Variants in ACTR3B observed in about 807,000 individuals in gnomAD.
ACTR3B encodes actin related protein 3B, also known as actin-related protein 3B.
Under a neutral mutation model 59.0 loss-of-function variants are expected in ACTR3B, and 8 were observed. The ratio of observed to expected loss-of-function variants is 0.14; its 90% CI spans 0.08 to 0.24. ACTR3B has a LOEUF of 0.24. ACTR3B is among the 10% of genes least tolerant of loss of function. ACTR3B has a pLI of 1.00. For missense variants in ACTR3B, 245 were observed against 552.3 expected (o/e 0.44, Z 5.58); for synonymous variants, 148 against 197.9 (o/e 0.75, Z 2.12).
At chr7:152,835,151 C>T (rs1471898638) in intron 9 of ACTR3B, among the ~76,000 whole-genome samples, 2 of 152,182 alleles carry the variant, frequency 1.3e-5, no homozygotes, top group African/African-American at 4.8e-5. Flanking sequence ...AGAGTATAGG[C>T]GTCAGGGCCA....
At chr7:152,780,833 T>A (rs2966515) in intron 1 of ACTR3B, among the ~76,000 whole-genome samples, 10 of 149,244 alleles carry the variant, frequency 6.7e-5, no homozygotes, top group African/African-American at 9.9e-5. Context: ...TTGTTTTTTT[T>A]AACTTTTCAG....
chr7:152,835,913 C>T, intron 9 of ACTR3B, among the ~76,000 whole-genome samples: 1 of 151,312 alleles, frequency 6.6e-6, no homozygotes, highest in East Asian at 1.9e-4. Flanking sequence ...ACTCCTGGCC[C>T]ATGCGAGGTG....
At chr7:152,771,298 C>T (rs2098123343) in intron 1 of ACTR3B, among the ~76,000 whole-genome samples, 1 of 152,008 alleles carries the variant, frequency 6.6e-6, no homozygotes. Flanking sequence ...TAAATTTAGA[C>T]AACATGAGCT....
At chr7:152,836,469 C>G (rs2116934556) in intron 9 of ACTR3B, among the ~76,000 whole-genome samples, 1 of 152,052 alleles carries the variant, frequency 6.6e-6, no homozygotes, top group East Asian at 2.0e-4. Context: ...CACCTGTGGT[C>G]CCAGCTACTT....
intron 9 of ACTR3B, among the ~76,000 whole-genome samples, chr7:152,844,633 T>G (rs1798126884): frequency 6.6e-6 from 1 of 151,850 alleles, no homozygotes; most frequent in South Asian, 2.1e-4. Context: ...TCTTATTGTC[T>G]GAAATCCAGC....
chr7:152,798,432 T>A (rs1374826901), intron 2 of ACTR3B, among the ~76,000 whole-genome samples: 2 of 152,326 alleles, frequency 1.3e-5, no homozygotes, highest in South Asian at 2.1e-4. Context: ...TGATTATTAA[T>A]CTTTTGTCAG....
intron 1 of ACTR3B, among the ~76,000 whole-genome samples, chr7:152,782,675 G>T (rs1307115766): frequency 1.3e-5 from 2 of 149,412 alleles, no homozygotes; most frequent in African/African-American, 2.5e-5. Context: ...CCCCCACCCC[G>T]CAAAGTTCAG....
At chr7:152,800,793 T>G (rs554609814) in intron 3 of ACTR3B, 138 bp downstream of exon 3, 1 of 1,141,278 alleles carries the variant, frequency 8.8e-7, no homozygotes, top group Non-Finnish European at 1.2e-6. Context: ...GAGGTGGTGG[T>G]GATGGTTGGT....
intron 1 of ACTR3B, among the ~76,000 whole-genome samples, chr7:152,762,027 CT>C (rs1171820286): frequency 6.6e-6 from 1 of 152,012 alleles, no homozygotes; most frequent in African/African-American, 2.4e-5. Context: ...TGAAAAAAGC[CT>C]TTTTTTGTAG....
Position 152,852,140 on chromosome 7 carries a change from A to T in ACTR3B, c.966A>T (p.Ser322=). 1.2e-6 allele frequency: 2 copies of T among 1,614,092 alleles called. No individual in the cohort carries two copies. Among genetic ancestry groups the T allele is most frequent in the Non-Finnish European group, 1.7e-6 (2 of 1,180,000 alleles). ...RRPLYKNVVL[S]GGSTMFRDFG... ...GTGTCTTGTAGAATGTCGTACTCTC[A>T]GGAGGCTCCACCATGTTCAGGGATT... The change falls in exon 10 of 12, where the codon TCA becomes TCT. Residue 322 remains serine (S), a synonymous_variant. Transcript: ENST00000256001.
At chr7:152,781,216 T>C (rs1277822818) in intron 1 of ACTR3B, among the ~76,000 whole-genome samples, 74 of 147,326 alleles carry the variant, frequency 5.0e-4, no homozygotes, top group African/African-American at 1.7e-3. Flanking sequence ...TTTTTTTTTT[T>C]CTGAAACCCA....
intron 9 of ACTR3B, among the ~76,000 whole-genome samples, chr7:152,839,519 T>C (rs1797719898): frequency 6.8e-6 from 1 of 147,526 alleles, no homozygotes; most frequent in Non-Finnish European, 1.5e-5. Context: ...GGAGTTGGTG[T>C]GTGGAATTGC....
At chr7:152,763,051 C>T (rs1024766880) in intron 1 of ACTR3B, among the ~76,000 whole-genome samples, 2 of 152,076 alleles carry the variant, frequency 1.3e-5, no homozygotes, top group African/African-American at 4.8e-5. Flanking sequence ...CGCGGTGGCT[C>T]ATGCCTGTAA....
chr7:152,832,793 C>T (rs12535713), intron 9 of ACTR3B, among the ~76,000 whole-genome samples: 80,447 of 152,060 alleles, frequency 0.53, 23,251 homozygotes, highest in East Asian at 0.72. Flanking sequence ...AAATGCATTC[C>T]TTCTTGAGGA....
Position 152,823,372 on chromosome 7 carries a change from G to A in ACTR3B, c.715G>A (p.Val239Ile), listed in dbSNP as rs1381759776. 6.2e-7 allele frequency: 1 copy of A among 1,614,224 alleles called. No individual in the cohort carries two copies. The highest frequency in any genetic ancestry group is 1.1e-5 in the South Asian group (1 of 91,088). The change falls in exon 8 of 12, where the codon GTC (valine) becomes ATC (isoleucine). Residue 239 changes from valine to isoleucine, a missense_variant. By Grantham distance (29) the Val-to-Ile change is conservative. Around this residue, in one of 7 missense-constraint regions of ACTR3B, gnomAD observed 153 missense variants for 266.2 expected, o/e 0.57. Coordinates refer to ENST00000256001, the MANE Select transcript of ACTR3B (RefSeq NM_020445.6). ...ATACTGTTACATTTGCCCCGATATA[G>A]TCAAGGAATTTGCCAAGTATGATGT... ...EKYCYICPDI[V>I]KEFAKYDVDP...
At chr7:152,801,097 T>C (rs1483712499) in intron 3 of ACTR3B, among the ~76,000 whole-genome samples, 3 of 152,306 alleles carry the variant, frequency 2.0e-5, no homozygotes, top group Admixed American at 1.3e-4. Flanking sequence ...GTTGTTTTTT[T>C]AGAGATAGGT....
At chr7:152,792,952 A>G (rs927610900) in intron 2 of ACTR3B, among the ~76,000 whole-genome samples, 2 of 150,908 alleles carry the variant, frequency 1.3e-5, no homozygotes, top group African/African-American at 4.9e-5. Flanking sequence ...CAGCACAAAA[A>G]TGTTGTGGTA....
chr7:152,849,052 G>A (rs1020307709), intron 9 of ACTR3B, among the ~76,000 whole-genome samples: 20 of 152,324 alleles, frequency 1.3e-4, no homozygotes, highest in Non-Finnish European at 2.1e-4. Flanking sequence ...GGCGAGGGGC[G>A]TCAGGGGGCT....
At chr7:152,774,662 CAT>C (rs569467701) in intron 1 of ACTR3B, among the ~76,000 whole-genome samples, 42 of 151,202 alleles carry the variant, frequency 2.8e-4, no homozygotes, top group African/African-American at 9.7e-4. Flanking sequence ...TACGAAGTAA[CAT>C]AGAGAAAAAA....
Sources: allele counts gnomAD v4.1 joint callset (sites outside exome capture counted in the v4.1 genomes callset), GRCh38; gene constraint gnomAD v4.1.1; regional missense constraint gnomAD v4.1.1; transcripts MANE v1.5; gene names NCBI Gene and HGNC (gene_info 2026-07-23, HGNC 2026-07-21).